The following XPR1 variants were observed in gnomAD, a reference collection of about 807,000 sequenced individuals.
XPR1 encodes the protein solute carrier family 53 member 1.
Under a neutral mutation model 87.5 loss-of-function variants are expected in XPR1, and 28 were observed. The ratio of observed to expected loss-of-function variants is 0.32; its 90% CI spans 0.24 to 0.44. The LOEUF is 0.44. XPR1 is among the 20% of genes least tolerant of loss of function. XPR1 has a pLI of 1.00. For missense variants in XPR1, 559 were observed against 862.3 expected (o/e 0.65, Z 4.41); for synonymous variants, 300 against 306.1 (o/e 0.98, Z 0.21).
chr1:180,670,631 G>A (rs1360239550), intron 1 of XPR1, among the ~76,000 whole-genome samples: 1 of 152,152 alleles, frequency 6.6e-6, no homozygotes, highest in Non-Finnish European at 1.5e-5. Flanking sequence ...AATAAAAAAT[G>A]TAGTTAAGAA....
At chr1:180,647,202 A>G (rs556695215) in intron 1 of XPR1, among the ~76,000 whole-genome samples, 2 of 152,366 alleles carry the variant, frequency 1.3e-5, no homozygotes, top group South Asian at 2.1e-4. Flanking sequence ...AGCTCTGGCC[A>G]TAATGTGAGC....
At chr1:180,821,571 C>T (rs1264979016) in intron 7 of XPR1, among the ~76,000 whole-genome samples, 1 of 151,896 alleles carries the variant, frequency 6.6e-6, no homozygotes, top group Non-Finnish European at 1.5e-5. Context: ...TTGACTTTTT[C>T]AGTTCTGAAA....
At chr1:180,693,064 A>G (rs1307862932) in intron 2 of XPR1, among the ~76,000 whole-genome samples, 1 of 152,222 alleles carries the variant, frequency 6.6e-6, no homozygotes, top group Non-Finnish European at 1.5e-5. Flanking sequence ...TAATGATAAA[A>G]CATTAAATCA....
rs371119272 is a variant in XPR1, at chr1:180,809,359, A to G, written c.682-2048A>G. ...CTTGATTATGCTGATGGTTTTGTAG[A>G]CGTTTATGCAGTTTCAAAACTTATC... is the stretch of plus-strand genomic sequence containing the variant. On this transcript the variant is annotated intron_variant, in intron 6 of 14. Coordinates refer to ENST00000367590, the MANE Select transcript of XPR1 (RefSeq NM_004736.4). Among the ~76,000 whole-genome samples, 40 of 152,256 alleles carry G rather than the reference A, an allele frequency of 2.6e-4. No individual in the cohort carries two copies. The South Asian group carries it at 7.9e-3, about 30-fold the overall frequency.
chr1:180,744,505 T>C (rs1439036800), intron 2 of XPR1, among the ~76,000 whole-genome samples: 1 of 152,120 alleles, frequency 6.6e-6, no homozygotes, highest in Non-Finnish European at 1.5e-5. Flanking sequence ...TCTTCTGCCA[T>C]GTGTTGAGAT....
chr1:180,866,064 T>C (rs1652379101), intron 12 of XPR1, among the ~76,000 whole-genome samples: 1 of 151,918 alleles, frequency 6.6e-6, no homozygotes, highest in Non-Finnish European at 1.5e-5. Context: ...GAAATAAAAA[T>C]AACTGGATAT....
chr1:180,888,353 G>A lies in XPR1; in HGVS notation c.*4287G>A, dbSNP rs780167190. ...AGGTCATTATTGTTTTCTTTTAATG[G>A]TTTACATGAAATTTTCCTCTCAAAA... On this transcript the variant is annotated 3_prime_UTR_variant, in exon 15 of 15. Coordinates refer to ENST00000367590, the MANE Select transcript of XPR1 (RefSeq NM_004736.4). The A allele has an allele frequency of 6.6e-6, 1 of 151,218 alleles. No individual in the cohort carries two copies. Among genetic ancestry groups the A allele is most frequent in the Admixed American group, 6.6e-5 (1 of 15,102 alleles). The allele number at this position is 151,218 out of a possible 1,614,324, so 9.4% of individuals were successfully genotyped here.
At chr1:180,666,959 A>C (rs1364226277) in intron 1 of XPR1, among the ~76,000 whole-genome samples, 3 of 151,378 alleles carry the variant, frequency 2.0e-5, no homozygotes, top group Non-Finnish European at 2.9e-5. Context: ...TCTGTCACCC[A>C]GGCTGGAGTG....
At chr1:180,644,784 C>G (rs57387505) in intron 1 of XPR1, among the ~76,000 whole-genome samples, 8 of 151,800 alleles carry the variant, frequency 5.3e-5, no homozygotes, top group Non-Finnish European at 1.2e-4. Context: ...AAGCGTGTTA[C>G]GTTTATTGTG....
chr1:180,863,754 C>T lies in XPR1; in HGVS notation c.1548C>T (p.Val516=), dbSNP rs1228113867. ...DTMVFFYLWI[V]FYIISSCYTL... ...TGGTGTTCTTTTACCTGTGGATTGT[C>T]TTTTATATCATCAGTTCCTGCTATA... The change falls in exon 12 of 15, where the codon GTC becomes GTT. Residue 516 remains valine, a synonymous_variant. Coordinates refer to ENST00000367590, the MANE Select transcript of XPR1 (RefSeq NM_004736.4). The T allele has an allele frequency of 1.9e-6, 3 of 1,608,188 alleles. No individual in the cohort carries two copies. The highest frequency in any genetic ancestry group is 1.7e-6 in the Non-Finnish European group (2 of 1,177,606).
chr1:180,663,426 C>T (rs1053662995), intron 1 of XPR1, among the ~76,000 whole-genome samples: 3 of 152,148 alleles, frequency 2.0e-5, no homozygotes, highest in African/African-American at 7.2e-5. Context: ...TGGATAAGAG[C>T]CAGAAGAATT....
At position 180,760,701 on chromosome 1, in the gene XPR1, A is replaced by G. The variant is rs552294150; in HGVS notation, c.122-27052A>G. On this transcript the variant is annotated intron_variant, in intron 2 of 14. Coordinates refer to ENST00000367590, the MANE Select transcript of XPR1 (RefSeq NM_004736.4). ...ATGGCCATACTGCCCAAGGTAATTTATAGATTCAATCCCATCACCATCAAG... is the reference window on the plus strand; with the variant it reads ...ATGGCCATACTGCCCAAGGTAATTTGTAGATTCAATCCCATCACCATCAAG... Among the ~76,000 whole-genome samples, 28 of 152,342 alleles carry G rather than the reference A, an allele frequency of 1.8e-4. No individual in the cohort carries two copies. In the South Asian group the frequency reaches 5.6e-3, roughly 30 times the overall value.
intron 7 of XPR1, among the ~76,000 whole-genome samples, chr1:180,822,238 T>C (rs190481595): frequency 1.3e-5 from 2 of 152,324 alleles, no homozygotes; most frequent in Non-Finnish European, 2.9e-5. Flanking sequence ...TCTTTACCAC[T>C]ATACCTTTGT....
intron 2 of XPR1, among the ~76,000 whole-genome samples, chr1:180,710,247 A>C (rs1449890313): frequency 2.0e-5 from 3 of 149,126 alleles, no homozygotes; most frequent in Non-Finnish European, 4.4e-5. Flanking sequence ...TGTTTCTCGC[A>C]GAGGGGGATT....
intron 2 of XPR1, among the ~76,000 whole-genome samples, chr1:180,785,963 G>A (rs1257977440): frequency 6.6e-6 from 1 of 150,630 alleles, no homozygotes; most frequent in East Asian, 1.9e-4. Context: ...AAAAAAGCAA[G>A]GGAAAAAGAA....
intron 2 of XPR1, among the ~76,000 whole-genome samples, chr1:180,699,264 G>A (rs1256322906): frequency 1.7e-5 from 2 of 120,422 alleles, no homozygotes; most frequent in Non-Finnish European, 3.4e-5. Context: ...TGCACATTGT[G>A]CAGGTTAGTT....
intron 3 of XPR1, among the ~76,000 whole-genome samples, chr1:180,791,663 G>T: frequency 6.6e-6 from 1 of 152,188 alleles, no homozygotes; most frequent in East Asian, 1.9e-4. Context: ...GCATCTATAT[G>T]TGTGTGACTA....
rs35162664 is a variant in XPR1, at chr1:180,757,869, TAAAAAA to T, written c.122-29862_122-29857del. Among the ~76,000 whole-genome samples the T allele has an allele frequency of 9.5e-4, 38 of 40,072 alleles. 1 individual carries two copies. The highest frequency in any genetic ancestry group is 3.2e-3 in the African/African-American group (31 of 9,776). The allele number at this position is 40,072 out of a possible 152,430, so 26.3% of individuals were successfully genotyped here. A position where few individuals can be genotyped will look rare whatever the true frequency, so the allele number is the denominator to read the frequency against. ...TGGTATAAAGATATTGTTGAAAATGTAAAAAAAAAAAAAAAAAAAAAAAAAAAGCCT... is the reference window on the plus strand; with the variant it reads ...TGGTATAAAGATATTGTTGAAAATGTAAAAAAAAAAAAAAAAAAAAAGCCT... On this transcript the variant is annotated intron_variant, in intron 2 of 14. Coordinates refer to ENST00000367590, the MANE Select transcript of XPR1 (RefSeq NM_004736.4).
At position 180,797,575 on chromosome 1, in the gene XPR1, C is replaced by T. The variant is rs146882424; in HGVS notation, c.224-5813C>T. 1.2e-3 allele frequency among the ~76,000 whole-genome samples: 189 copies of T among 152,256 alleles called. 11 individuals are homozygous for T. The East Asian group carries it at 0.025, about 20-fold the overall frequency. On this transcript the variant is annotated intron_variant, in intron 3 of 14. Coordinates refer to ENST00000367590, the MANE Select transcript of XPR1 (RefSeq NM_004736.4). ...ATGTATTGACAGTTCTGACTGAGGA[C>T]ATTAAACAATTAGCAAATTTATATA...
Sources: allele counts gnomAD v4.1 joint callset (sites outside exome capture counted in the v4.1 genomes callset), GRCh38; gene constraint gnomAD v4.1.1; transcripts MANE v1.5; gene names NCBI Gene and HGNC (gene_info 2026-07-23, HGNC 2026-07-21).